COL13A1: variants seen among roughly 807,000 people sequenced by gnomAD.
COL13A1 encodes collagen alpha-1(XIII) chain.
COL13A1 carries 89 observed loss-of-function variants against 130.9 expected under a neutral mutation model. The observed-to-expected ratio is 0.68, with a 90% CI of 0.57 to 0.81. The LOEUF is 0.81. Among genes scored for constraint, COL13A1 ranks in the 30% least tolerant of loss-of-function variants. The probability of loss-of-function intolerance (pLI) is 0.00; values close to 1 mark genes in which losing one functional copy is unlikely to be tolerated. For synonymous variants in COL13A1, 402 were observed against 341.6 expected (o/e 1.18, Z -1.95); for missense variants, 879 against 934.6 (o/e 0.94, Z 0.78).
At position 69,952,962 on chromosome 10, in the gene COL13A1, C is replaced by A. The variant is rs754212801; in HGVS notation, c.2139C>A (p.Cys713Ter). The change falls in exon 39 of 41, where the codon TGC (cysteine) becomes TGA (stop). Residue 713 changes from cysteine to a stop codon, truncating the protein, a stop_gained. Transcript: ENST00000645393. LOFTEE classifies it high-confidence loss of function. ...DQGAPGLDAPCPLGEDGLPVQ... is the reference protein window; with the variant it reads ...DQGAPGLDAP ...GAGCGCCTGGATTAGATGCCCCCTG[C>A]CCATTGGTATGTTTTTGTTTATCAC... is the stretch of plus-strand genomic sequence containing the variant. The A allele has an allele frequency of 6.5e-7, 1 of 1,534,774 alleles. No individual in the cohort carries two copies. The highest frequency in any genetic ancestry group is 2.5e-5 in the East Asian group (1 of 39,808).
At chr10:69,884,362 G>A (rs1309923417) in intron 7 of COL13A1, among the ~76,000 whole-genome samples, 1 of 152,188 alleles carries the variant, frequency 6.6e-6, no homozygotes, top group African/African-American at 2.4e-5. Flanking sequence ...CCCCCACTCA[G>A]CTAATGGTTA....
At chr10:69,832,327 C>A (rs1849016348) in intron 2 of COL13A1, among the ~76,000 whole-genome samples, 1 of 152,272 alleles carries the variant, frequency 6.6e-6, no homozygotes, top group South Asian at 2.1e-4. Flanking sequence ...GGTTTAGGGG[C>A]CTTAGTTGGA....
In COL13A1 at chr10:69,802,715, G is replaced by T. The variant is rs201112703; in HGVS notation, c.292G>T (p.Glu98Ter). 3.7e-6 allele frequency: 6 copies of T among 1,611,384 alleles called. No homozygotes were observed. Among genetic ancestry groups the T allele is most frequent in the Non-Finnish European group, 4.2e-6 (5 of 1,178,938 alleles). Residue 98 changes from glutamate (E) to a stop codon, truncating the protein, a stop_gained and splice_region_variant, in exon 1 of 41, where the codon GAG (glutamate) becomes TAG (stop). Coordinates refer to ENST00000645393, the MANE Select transcript of COL13A1 (RefSeq NM_001368882.1). LOFTEE classifies it high-confidence loss of function. The stretch of plus-strand genomic sequence containing the variant: ...GGGACGAGTCAATCAACTGCTGGAC[G>T]AGGTCTGTGCTCTTTGTTGCTGGCT... ...ILGRVNQLLD[E>*]KWKLHSRRRR... is the part of the protein sequence containing the mutation.
chr10:69,872,353 T>C, intron 4 of COL13A1, 143 bp downstream of exon 4: 2 of 918,246 alleles, frequency 2.2e-6, no homozygotes, highest in Non-Finnish European at 3.4e-6. Context: ...ATCTATAGCT[T>C]AGGGTGAAGT....
chr10:69,899,545 A>G (rs1020860566), intron 14 of COL13A1, among the ~76,000 whole-genome samples: 1 of 152,212 alleles, frequency 6.6e-6, no homozygotes, highest in Non-Finnish European at 1.5e-5. Context: ...TTAGAAATGC[A>G]GACTGCTTAG....
intron 2 of COL13A1, among the ~76,000 whole-genome samples, chr10:69,825,128 G>C (rs759246992): frequency 1.7e-4 from 26 of 152,312 alleles, no homozygotes; most frequent in Non-Finnish European, 2.8e-4. Flanking sequence ...CCTACTATGT[G>C]CCAGGCACAG....
chr10:69,895,600 C>T (rs1431140604), intron 13 of COL13A1, 24 bp downstream of exon 13: 1 of 1,613,460 alleles, frequency 6.2e-7, no homozygotes, highest in Non-Finnish European at 8.5e-7. Flanking sequence ...TAAAATTTAG[C>T]AGGGCACTTT....
chr10:69,915,659 G>C (rs1026233393), intron 17 of COL13A1, among the ~76,000 whole-genome samples: 1 of 152,216 alleles, frequency 6.6e-6, no homozygotes, highest in African/African-American at 2.4e-5. Context: ...GCTGAAAACA[G>C]GGCAGAGCCC....
intron 17 of COL13A1, among the ~76,000 whole-genome samples, chr10:69,916,530 C>T (rs2063943668): frequency 6.6e-6 from 1 of 152,236 alleles, no homozygotes; most frequent in African/African-American, 2.4e-5. Context: ...TCCAACTCCA[C>T]CTCCTTGTGG....
intron 7 of COL13A1, among the ~76,000 whole-genome samples, chr10:69,881,136 TG>T (rs1205761036): frequency 6.6e-6 from 1 of 152,204 alleles, no homozygotes; most frequent in Non-Finnish European, 1.5e-5. Flanking sequence ...GTGTGGGTGA[TG>T]AAGCCAGCAA....
At position 69,810,664 on chromosome 10, in the gene COL13A1, C is replaced by G. The variant is rs1842810257; in HGVS notation, c.294+7947C>G. Among the ~76,000 whole-genome samples, 3 of 152,194 alleles carry G rather than the reference C, an allele frequency of 2.0e-5. No homozygotes were observed. In the South Asian group the frequency reaches 6.2e-4, roughly 32 times the overall value. On this transcript the variant is annotated intron_variant, in intron 1 of 40. Coordinates refer to ENST00000645393, the MANE Select transcript of COL13A1 (RefSeq NM_001368882.1). ...GGTTGGGTTCTGCCCCTCCCAGAAA[C>G]AGTCTATTGAGCCCTCAGTCAGAGG...
intron 3 of COL13A1, among the ~76,000 whole-genome samples, chr10:69,870,507 G>A (rs1438666562): frequency 2.7e-5 from 4 of 146,408 alleles, no homozygotes; most frequent in African/African-American, 1.0e-4. Context: ...TTTTTTTAGA[G>A]ACGGGGTTTT....
In COL13A1 at chr10:69,919,691, G is replaced by A. The variant is rs574185627; in HGVS notation, c.1053G>A (p.Pro351=). The A allele has an allele frequency of 3.0e-5, 12 of 398,810 alleles. No homozygotes were observed. Among genetic ancestry groups the A allele is most frequent in the East Asian group, 7.1e-5 (2 of 28,070 alleles). 24.7% of individuals were successfully genotyped at this position (398,810 alleles called of 1,614,324 possible). A position where few individuals can be genotyped will look rare whatever the true frequency, so the allele number is the denominator to read the frequency against. ...TKGDPGAEGK[P]GPPGLLGKRG... is the part of the protein sequence containing the mutation. ...GAGACCCAGGAGCAGAAGGGAAGCC[G>A]GGGCCCCCAGGTTTGCTGGGAAAGA... The change falls in exon 21 of 41, where the codon CCG becomes CCA. Residue 351 remains proline, a synonymous_variant. Transcript: ENST00000645393.
chr10:69,815,189 C>T (rs1844140670), intron 1 of COL13A1, among the ~76,000 whole-genome samples: 1 of 152,166 alleles, frequency 6.6e-6, no homozygotes, highest in Non-Finnish European at 1.5e-5. Flanking sequence ...TGTGTCTATG[C>T]CACAGCTTGG....
chr10:69,805,465 A>G (rs10998975), intron 1 of COL13A1, among the ~76,000 whole-genome samples: 12,494 of 152,196 alleles, frequency 0.082, 626 homozygotes, highest in Non-Finnish European at 0.11. Context: ...GGGACACCCT[A>G]GGGTTGGGCT....
chr10:69,823,663 G>T (rs1345454871), intron 2 of COL13A1, among the ~76,000 whole-genome samples: 1 of 152,206 alleles, frequency 6.6e-6, no homozygotes, highest in Non-Finnish European at 1.5e-5. Context: ...GAGTGAATGG[G>T]CTGGGGTGGG....
At chr10:69,852,082 A>G (rs1269037274) in intron 2 of COL13A1, among the ~76,000 whole-genome samples, 1 of 152,132 alleles carries the variant, frequency 6.6e-6, no homozygotes, top group Non-Finnish European at 1.5e-5. Flanking sequence ...GCTGGTGTGC[A>G]GTGACCATCC....
chr10:69,834,300 C>G (rs1193918589), intron 2 of COL13A1, among the ~76,000 whole-genome samples: 2 of 152,138 alleles, frequency 1.3e-5, no homozygotes. Context: ...ACAGTCCAGT[C>G]CAGATCTATG....
In COL13A1 at chr10:69,958,825, A is replaced by G; in HGVS notation, c.*124A>G. 3 of 1,330,280 alleles carry G rather than the reference A, an allele frequency of 2.3e-6. No individual in the cohort carries two copies. The highest frequency in any genetic ancestry group is 3.1e-6 in the Non-Finnish European group (3 of 969,548). The allele number at this position is 1,330,280 out of a possible 1,614,324, so 82.4% of individuals were successfully genotyped here. On this transcript the variant is annotated 3_prime_UTR_variant, in exon 41 of 41. Coordinates refer to ENST00000645393, the MANE Select transcript of COL13A1 (RefSeq NM_001368882.1). Reference sequence around the variant, plus strand: ...CTTACAGATTATTAAAAAAGAAAGAAAAACCTGCATATTTTGTACAGAAAA... The same window carrying G: ...CTTACAGATTATTAAAAAAGAAAGAGAAACCTGCATATTTTGTACAGAAAA...
Sources: allele counts gnomAD v4.1 joint callset (sites outside exome capture counted in the v4.1 genomes callset), GRCh38; gene constraint gnomAD v4.1.1; transcripts MANE v1.5; gene names NCBI Gene and HGNC (gene_info 2026-07-23, HGNC 2026-07-21).